Variants in ERBB4 observed in about 807,000 individuals in gnomAD.
ERBB4 encodes erb-b2 receptor tyrosine kinase 4.
A neutral mutation model predicts 158.0 loss-of-function variants in ERBB4; 42 were observed. The ratio of observed to expected loss-of-function variants is 0.27; its 90% CI spans 0.21 to 0.34. The LOEUF (loss-of-function observed/expected upper bound fraction) is 0.34, where lower values mean the gene tolerates loss of function less well. ERBB4 is among the 10% of genes least tolerant of loss of function. The pLI, the probability that ERBB4 is intolerant of heterozygous loss-of-function variation, is 1.00. For missense variants in ERBB4, 1,333 were observed against 1,624.1 expected (o/e 0.82, Z 3.08); for synonymous variants, 583 against 558.7 (o/e 1.04, Z -0.61).
chr2:211,435,596 C>T (rs1045522807), intron 20 of ERBB4, among the ~76,000 whole-genome samples: 9 of 152,160 alleles, frequency 5.9e-5, no homozygotes, highest in Admixed American at 6.5e-5. Context: ...AGCTCTGCCT[C>T]CTGTCAGATT....
At chr2:211,985,830 G>C (rs572010565) in intron 2 of ERBB4, among the ~76,000 whole-genome samples, 2 of 152,032 alleles carry the variant, frequency 1.3e-5, no homozygotes, top group Non-Finnish European at 2.9e-5. Context: ...TACTACTAAA[G>C]CTCTAAAGTC....
intron 2 of ERBB4, among the ~76,000 whole-genome samples, chr2:212,090,937 C>T (rs1042641523): frequency 6.6e-6 from 1 of 152,094 alleles, no homozygotes; most frequent in Non-Finnish European, 1.5e-5. Context: ...TAACAATCTC[C>T]ACCCTTTTAA....
intron 1 of ERBB4, among the ~76,000 whole-genome samples, chr2:212,437,313 A>G (rs1036949488): frequency 2.0e-5 from 3 of 151,976 alleles, no homozygotes; most frequent in Non-Finnish European, 4.4e-5. Context: ...CTGCTCTCAA[A>G]CTAAAGGATT....
chr2:211,682,823 T>C (rs1169553015), intron 12 of ERBB4, among the ~76,000 whole-genome samples: 1 of 152,050 alleles, frequency 6.6e-6, no homozygotes, highest in Non-Finnish European at 1.5e-5. Flanking sequence ...TTTATTCCAA[T>C]CTGATAATCT....
chr2:212,325,547 C>T (rs2087785300), intron 1 of ERBB4, among the ~76,000 whole-genome samples: 1 of 150,596 alleles, frequency 6.6e-6, no homozygotes, highest in Non-Finnish European at 1.5e-5. Flanking sequence ...TTCTTTTCTA[C>T]TTAATTAGAA....
At chr2:211,675,380 T>G (rs959231193) in intron 13 of ERBB4, among the ~76,000 whole-genome samples, 2 of 152,132 alleles carry the variant, frequency 1.3e-5, no homozygotes, top group Admixed American at 1.3e-4. Context: ...TTCAACTTCC[T>G]TAAGCCTCAT....
At position 212,026,445 on chromosome 2, in the gene ERBB4, CTGAA is replaced by C. The variant is rs1201976382; in HGVS notation, c.235-78833_235-78830del. 7.9e-5 allele frequency among the ~76,000 whole-genome samples: 12 copies of C among 151,858 alleles called. 1 individual carries two copies. The highest frequency in any genetic ancestry group is 2.6e-4 in the Admixed American group (4 of 15,232). On this transcript the variant is annotated intron_variant, in intron 2 of 27. Transcript: ENST00000342788. ...TCTATAACTACTTGTGAAAAGAATA[CTGAA>C]TAAGTGTATGAACAAATTCGTCACT...
chr2:211,731,202 G>A (rs985173028), intron 5 of ERBB4, among the ~76,000 whole-genome samples: 36 of 151,996 alleles, frequency 2.4e-4, no homozygotes, highest in African/African-American at 7.7e-4. Flanking sequence ...GTATCTTGGG[G>A]CAATCCCCAA....
At chr2:211,934,729 A>G (rs186518731) in intron 3 of ERBB4, among the ~76,000 whole-genome samples, 6 of 152,042 alleles carry the variant, frequency 3.9e-5, no homozygotes, top group African/African-American at 1.4e-4. Flanking sequence ...TCCGTGCCCA[A>G]TTAGGGCATT....
intron 3 of ERBB4, among the ~76,000 whole-genome samples, chr2:211,861,138 A>ATTT (rs1210230054): frequency 5.6e-4 from 16 of 28,364 alleles, no homozygotes; most frequent in African/African-American, 2.2e-3. Flanking sequence ...ATATATATAT[A>ATTT]TATATATATA....
At position 212,015,042 on chromosome 2, in the gene ERBB4, ATATATATATATATATATATATATAT is replaced by A. The variant is rs1298006059; in HGVS notation, c.235-67451_235-67427del. ...CCCGTCTCTACTAAAAAAAAAAAAA[ATATATATATATATATATATATATAT>A]ATATATATATATATATATATATATA... On this transcript the variant is annotated intron_variant, in intron 2 of 27. Coordinates refer to ENST00000342788, the MANE Select transcript of ERBB4 (RefSeq NM_005235.3). 6.8e-3 allele frequency among the ~76,000 whole-genome samples: 79 copies of A among 11,632 alleles called. 21 individuals are homozygous for A. The highest frequency in any genetic ancestry group is 8.2e-3 in the Non-Finnish European group (45 of 5,510). The allele number at this position is 11,632 out of a possible 152,430, so 7.6% of individuals were successfully genotyped here. A position where few individuals can be genotyped will look rare whatever the true frequency, so the allele number is the denominator to read the frequency against.
At chr2:211,514,731 G>A (rs1028158457) in intron 20 of ERBB4, among the ~76,000 whole-genome samples, 2 of 152,150 alleles carry the variant, frequency 1.3e-5, no homozygotes, top group South Asian at 2.1e-4. Flanking sequence ...ATGCTTGGGG[G>A]CAGACATGTT....
At position 211,965,976 on chromosome 2, in the gene ERBB4, C is replaced by T. The variant is rs564411708; in HGVS notation, c.235-18360G>A. Among the ~76,000 whole-genome samples, 22 of 152,176 alleles carry T rather than the reference C, an allele frequency of 1.4e-4. No homozygotes were observed. In the South Asian group the frequency reaches 2.1e-3, roughly 14 times the overall value. On this transcript the variant is annotated intron_variant, in intron 2 of 27. Coordinates refer to ENST00000342788, the MANE Select transcript of ERBB4 (RefSeq NM_005235.3). ...CCTGTAATCCCAGCACTTTGGGAGGCCAGGGCAGGAGGCTTGCTTCAGGCC... is the reference window on the plus strand; with the variant it reads ...CCTGTAATCCCAGCACTTTGGGAGGTCAGGGCAGGAGGCTTGCTTCAGGCC...
intron 16 of ERBB4, among the ~76,000 whole-genome samples, chr2:211,644,371 T>C (rs2070709301): frequency 6.6e-6 from 1 of 152,008 alleles, no homozygotes; most frequent in Non-Finnish European, 1.5e-5. Context: ...GAAACCCATT[T>C]TTTTCAAAAG....
intron 19 of ERBB4, among the ~76,000 whole-genome samples, chr2:211,566,050 G>A (rs569403682): frequency 6.6e-6 from 1 of 152,278 alleles, no homozygotes; most frequent in South Asian, 2.1e-4. Flanking sequence ...GATGATGACT[G>A]GAAGTTCCGG....
At chr2:211,848,021 C>T (rs2077630791) in intron 3 of ERBB4, among the ~76,000 whole-genome samples, 1 of 152,102 alleles carries the variant, frequency 6.6e-6, no homozygotes, top group South Asian at 2.1e-4. Flanking sequence ...GCTTCAAACC[C>T]AGGCCGTCTG....
At chr2:211,391,878 A>G (rs2062806503) in intron 25 of ERBB4, among the ~76,000 whole-genome samples, 1 of 152,208 alleles carries the variant, frequency 6.6e-6, no homozygotes, top group Non-Finnish European at 1.5e-5. Flanking sequence ...GGAGGAAACA[A>G]AAATACAGGC....
At chr2:211,631,254 A>G (rs2070116962) in intron 16 of ERBB4, among the ~76,000 whole-genome samples, 1 of 152,166 alleles carries the variant, frequency 6.6e-6, no homozygotes, top group South Asian at 2.1e-4. Context: ...GTCTGAAGAC[A>G]TAGAAACCCC....
rs1386219921 is a variant in ERBB4, at chr2:211,433,913, C to T, written c.2488-2813G>A. Among the ~76,000 whole-genome samples the T allele has an allele frequency of 3.3e-5, 5 of 152,304 alleles. No individual in the cohort carries two copies. In the East Asian group the frequency reaches 7.7e-4, roughly 24 times the overall value. On this transcript the variant is annotated intron_variant, in intron 20 of 27. Coordinates refer to ENST00000342788, the MANE Select transcript of ERBB4 (RefSeq NM_005235.3). ...TCACTATTTCTTCCCAGGAGTTCTGCTTCCATCACTTACAACACTCGTCTG... is the reference window on the plus strand; with the variant it reads ...TCACTATTTCTTCCCAGGAGTTCTGTTTCCATCACTTACAACACTCGTCTG...
Sources: gnomAD v4.1 joint callset for allele counts (sites outside exome capture counted in the v4.1 genomes callset) on GRCh38, gnomAD v4.1.1 for gene constraint, MANE v1.5 for transcripts, NCBI Gene and HGNC (gene_info 2026-07-23, HGNC 2026-07-21) for gene names.